Variants in RPS6KA2 observed in about 807,000 individuals in gnomAD.
RPS6KA2 encodes the protein ribosomal protein S6 kinase A2, also known as ribosomal protein S6 kinase alpha-2.
A neutral mutation model predicts 91.8 loss-of-function variants in RPS6KA2; 42 were observed. The ratio of observed to expected loss-of-function variants is 0.46; its 90% CI spans 0.36 to 0.59. The LOEUF (loss-of-function observed/expected upper bound fraction) is 0.59, where lower values mean the gene tolerates loss of function less well. Ranked by LOEUF, RPS6KA2 falls within the 20% of genes least tolerant of loss-of-function variation. RPS6KA2 has a pLI of 0.00. For missense variants in RPS6KA2, 798 were observed against 978.5 expected (o/e 0.82, Z 2.46); for synonymous variants, 414 against 393.6 (o/e 1.05, Z -0.61).
At chr6:166,753,795 G>A (rs1026786472) in intron 2 of RPS6KA2, among the ~76,000 whole-genome samples, 25 of 152,276 alleles carry the variant, frequency 1.6e-4, no homozygotes, top group Admixed American at 5.2e-4. Flanking sequence ...ACTGAGCTGC[G>A]TTGCCCATGA....
chr6:166,671,313 T>C (rs1251318656), intron 2 of RPS6KA2, among the ~76,000 whole-genome samples: 1 of 152,202 alleles, frequency 6.6e-6, no homozygotes, highest in Admixed American at 6.5e-5. Context: ...GTGTGTCTGG[T>C]AACCTCTCTA....
At chr6:166,535,956 G>A (rs1450648633) in intron 2 of RPS6KA2, among the ~76,000 whole-genome samples, 1 of 152,258 alleles carries the variant, frequency 6.6e-6, no homozygotes, top group East Asian at 1.9e-4. Flanking sequence ...CTGACCAGGT[G>A]AAGAGCAGCG....
chr6:166,606,118 C>A (rs1785945457), intron 1 of RPS6KA2, among the ~76,000 whole-genome samples: 1 of 152,172 alleles, frequency 6.6e-6, no homozygotes, highest in Admixed American at 6.5e-5. Flanking sequence ...AGCTACAGCC[C>A]AAGGATGCAG....
intron 2 of RPS6KA2, among the ~76,000 whole-genome samples, chr6:166,758,255 C>G (rs769784045): frequency 3.4e-4 from 52 of 152,182 alleles, no homozygotes; most frequent in Non-Finnish European, 8.8e-5. Flanking sequence ...TGTCATCACC[C>G]TGTATTACCC....
intron 2 of RPS6KA2, among the ~76,000 whole-genome samples, chr6:166,762,504 A>C (rs1211628417): frequency 2.0e-5 from 3 of 152,158 alleles, no homozygotes; most frequent in Admixed American, 1.3e-4. Flanking sequence ...TTCTTAAGTG[A>C]AAGTATCTTG....
intron 17 of RPS6KA2, among the ~76,000 whole-genome samples, chr6:166,420,721 G>T (rs138878034): frequency 6.6e-6 from 1 of 152,092 alleles, no homozygotes; most frequent in South Asian, 2.1e-4. Context: ...GTCTCTTTGC[G>T]TCCCTGCCTT....
chr6:166,787,361 G>A (rs58816975), intron 2 of RPS6KA2, among the ~76,000 whole-genome samples: 2,279 of 152,134 alleles, frequency 0.015, 66 homozygotes, highest in African/African-American at 0.052. Flanking sequence ...GAAATGTTAA[G>A]AGAATATTAT....
At chr6:166,839,484 A>C in intron 2 of RPS6KA2, among the ~76,000 whole-genome samples, 1 of 151,468 alleles carries the variant, frequency 6.6e-6, no homozygotes, top group Non-Finnish European at 1.5e-5. Context: ...ACATTAGAAT[A>C]AGGGGGAATT....
At chr6:166,592,477 A>G (rs1042606142) in intron 1 of RPS6KA2, among the ~76,000 whole-genome samples, 4 of 152,230 alleles carry the variant, frequency 2.6e-5, no homozygotes, top group African/African-American at 7.2e-5. Context: ...AGTTATTCTT[A>G]TAACTAATAA....
intron 2 of RPS6KA2, among the ~76,000 whole-genome samples, chr6:166,809,256 A>G (rs1347524041): frequency 6.6e-6 from 1 of 152,248 alleles, no homozygotes; most frequent in African/African-American, 2.4e-5. Context: ...TCTAAAGCTC[A>G]GAGAAGATAA....
At chr6:166,696,425 C>T (rs1439272418) in intron 2 of RPS6KA2, among the ~76,000 whole-genome samples, 1 of 152,192 alleles carries the variant, frequency 6.6e-6, no homozygotes, top group Non-Finnish European at 1.5e-5. Context: ...ACTAATATCT[C>T]CACTCTCTGG....
chr6:166,773,249 G>T (rs73035537), intron 2 of RPS6KA2, among the ~76,000 whole-genome samples: 3 of 152,320 alleles, frequency 2.0e-5, no homozygotes, highest in Non-Finnish European at 4.4e-5. Context: ...GGCAGGGAAG[G>T]GGGTGAGGAG....
At position 166,437,935 on chromosome 6, in the gene RPS6KA2, C is replaced by T. The variant is rs904587697; in HGVS notation, c.1333-5445G>A. ...TGTCTCTCTCCATCAGTGGAGACAC[C>T]GTCTCCCGGGACACTCAGCAACCTG... On this transcript the variant is annotated intron_variant, in intron 14 of 20. Coordinates refer to ENST00000265678, the MANE Select transcript of RPS6KA2 (RefSeq NM_021135.6). The surrounding 1 kb of genome is among the most constrained non-coding windows in gnomAD (Gnocchi z 4.3). 3.9e-5 allele frequency among the ~76,000 whole-genome samples: 6 copies of T among 152,296 alleles called. No homozygotes were observed. The highest frequency in any genetic ancestry group is 4.1e-4 in the South Asian group (2 of 4,820).
intron 16 of RPS6KA2, 135 bp downstream of exon 16, chr6:166,430,318 G>A (rs1230614761): frequency 4.8e-6 from 4 of 836,220 alleles, no homozygotes; most frequent in Non-Finnish European, 7.5e-6. Context: ...CCAGACACAA[G>A]AGAGACGATG....
At position 166,433,282 on chromosome 6, in the gene RPS6KA2, C is replaced by T. The variant is rs1053142757; in HGVS notation, c.1333-792G>A. Among the ~76,000 whole-genome samples the T allele has an allele frequency of 1.3e-5, 2 of 152,170 alleles. No homozygotes were observed. Among genetic ancestry groups the T allele is most frequent in the African/African-American group, 4.8e-5 (2 of 41,448 alleles). The stretch of plus-strand genomic sequence containing the variant: ...ACCTGCCTTGCTGTTTAGACATATG[C>T]AAGCTCCCCTCCCCCGCCCAGCATC... On this transcript the variant is annotated intron_variant, in intron 14 of 20. Transcript: ENST00000265678. This position sits in a 1 kb window ranked among gnomAD's most constrained non-coding sequence, Gnocchi z 4.4.
chr6:166,452,441 C>A (rs1051388840), intron 12 of RPS6KA2, among the ~76,000 whole-genome samples: 2 of 152,056 alleles, frequency 1.3e-5, no homozygotes, highest in Admixed American at 6.6e-5. Context: ...AAAAAACCAA[C>A]GTCATTTTTC....
Position 166,445,914 on chromosome 6 carries a change from C to T in RPS6KA2, c.1332+2810G>A, listed in dbSNP as rs1409751681. 6.6e-6 allele frequency among the ~76,000 whole-genome samples: 1 copy of T among 152,236 alleles called. No homozygotes were observed. The highest frequency in any genetic ancestry group is 1.5e-5 in the Non-Finnish European group (1 of 68,048). ...TCACACATCAGATAATCAGCTGCCA[C>T]ATGCTTAGTTCTGGGTCATGTTAGA... On this transcript the variant is annotated intron_variant, in intron 14 of 20. Transcript: ENST00000265678. This position sits in a 1 kb window ranked among gnomAD's most constrained non-coding sequence, Gnocchi z 4.5.
At chr6:166,709,727 T>C (rs1366891346) in intron 2 of RPS6KA2, among the ~76,000 whole-genome samples, 1 of 152,240 alleles carries the variant, frequency 6.6e-6, no homozygotes, top group Admixed American at 6.5e-5. Context: ...TTCCTCTTTC[T>C]GGCCCAGACA....
intron 1 of RPS6KA2, among the ~76,000 whole-genome samples, chr6:166,592,906 A>G (rs1265471002): frequency 1.3e-5 from 2 of 152,260 alleles, no homozygotes; most frequent in East Asian, 3.8e-4. Context: ...CAAAAACATC[A>G]GCACAAAAGG....
Sources: gnomAD v4.1 joint callset for allele counts (sites outside exome capture counted in the v4.1 genomes callset) on GRCh38, gnomAD v4.1.1 for gene constraint, Gnocchi (gnomAD v3.1) non-coding constraint, MANE v1.5 for transcripts, NCBI Gene and HGNC (gene_info 2026-07-23, HGNC 2026-07-21) for gene names.